The following DDAH1 variants were observed in gnomAD, a reference collection of about 807,000 sequenced individuals.
The protein encoded by DDAH1 is N(G),N(G)-dimethylarginine dimethylaminohydrolase 1.
A neutral mutation model predicts 28.8 loss-of-function variants in DDAH1; 19 were observed. The observed-to-expected ratio is 0.66, with a 90% confidence interval of 0.46 to 0.97. The LOEUF is 0.97. DDAH1 is among the 50% of genes least tolerant of loss of function. The probability of loss-of-function intolerance (pLI) is 0.00; values close to 1 mark genes in which losing one functional copy is unlikely to be tolerated. For missense variants in DDAH1, 326 were observed against 375.9 expected (o/e 0.87, Z 1.10); for synonymous variants, 153 against 154.4 (o/e 0.99, Z 0.07).
intron 4 of DDAH1, among the ~76,000 whole-genome samples, chr1:85,336,538 T>C (rs1648134550): frequency 6.6e-6 from 1 of 151,820 alleles, no homozygotes; most frequent in African/African-American, 2.4e-5. Context: ...AGAAAAAGCA[T>C]TGTTACAAGG....
At chr1:85,527,977 T>A (rs1313017821) in intron 1 of DDAH1, among the ~76,000 whole-genome samples, 1 of 152,166 alleles carries the variant, frequency 6.6e-6, no homozygotes, top group Non-Finnish European at 1.5e-5. Flanking sequence ...AATTTGTAAA[T>A]TTGTTAAAGC....
At position 85,525,567 on chromosome 1, in the gene DDAH1, T is replaced by TCACACACACACACACA. The variant is rs3058870; in HGVS notation, c.-122-29302_-122-29287dup. Among the ~76,000 whole-genome samples, 1,458 of 149,078 alleles carry TCACACACACACACACA rather than the reference T, an allele frequency of 9.8e-3. 21 individuals are homozygous for TCACACACACACACACA. Among genetic ancestry groups the TCACACACACACACACA allele is most frequent in the African/African-American group, 0.028 (1,133 of 40,262 alleles). ...TATTGTACAACTGAAAGAATGATAT[T>TCACACACACACACACA]CACACACACACACACACACACTCCA... On this transcript the variant is annotated intron_variant, in intron 1 of 6. Coordinates refer to the DDAH1 transcript ENST00000426972.
chr1:85,474,769 A>G (rs1226581741), intron 2 of DDAH1, among the ~76,000 whole-genome samples: 1 of 152,170 alleles, frequency 6.6e-6, no homozygotes, highest in Non-Finnish European at 1.5e-5. Context: ...TCATCAGCCC[A>G]CTTTCATAAG....
intron 2 of DDAH1, among the ~76,000 whole-genome samples, chr1:85,357,270 A>G (rs1649538061): frequency 6.6e-6 from 1 of 152,124 alleles, no homozygotes; most frequent in Non-Finnish European, 1.5e-5. Flanking sequence ...TGGGCATGCA[A>G]ACCAAACCCC....
chr1:85,396,852 T>C (rs897699402), intron 1 of DDAH1, among the ~76,000 whole-genome samples: 3 of 151,932 alleles, frequency 2.0e-5, no homozygotes, highest in Non-Finnish European at 2.9e-5. Flanking sequence ...CTGGGCAACA[T>C]GGTAAAACCC....
intron 4 of DDAH1, among the ~76,000 whole-genome samples, chr1:85,345,308 G>T (rs1648775500): frequency 6.7e-6 from 1 of 148,836 alleles, no homozygotes; most frequent in South Asian, 2.2e-4. Context: ...TCTAATGCCT[G>T]TGTGCTAATT....
chr1:85,471,043 A>T (rs568469964), intron 2 of DDAH1, among the ~76,000 whole-genome samples: 1 of 152,182 alleles, frequency 6.6e-6, no homozygotes, highest in Non-Finnish European at 1.5e-5. Context: ...ACTGATCTTC[A>T]TGGACTTCAT....
chr1:85,441,225 T>C (rs1654175094), intron 1 of DDAH1, among the ~76,000 whole-genome samples: 1 of 152,112 alleles, frequency 6.6e-6, no homozygotes, highest in Non-Finnish European at 1.5e-5. Flanking sequence ...AAAGATTACA[T>C]ACAGTATTGA....
intron 1 of DDAH1, among the ~76,000 whole-genome samples, chr1:85,421,712 T>C (rs1653148675): frequency 6.6e-6 from 1 of 152,222 alleles, no homozygotes; most frequent in Non-Finnish European, 1.5e-5. Flanking sequence ...CCTTTTTGGA[T>C]TGGCTGCTTT....
intron 4 of DDAH1, among the ~76,000 whole-genome samples, chr1:85,344,555 T>TCTCCCTTCCCTCCCTTCATCCTTCC (rs1300953273): frequency 6.9e-6 from 1 of 145,882 alleles, no homozygotes; most frequent in Non-Finnish European, 1.5e-5. Context: ...TCCCTCCCTC[T>TCTCCCTTCCCTCCCTTCATCCTTCC]CTCCCTTCCC....
chr1:85,441,832 T>A (rs1416532702), intron 1 of DDAH1, among the ~76,000 whole-genome samples: 1 of 152,168 alleles, frequency 6.6e-6, no homozygotes, highest in Non-Finnish European at 1.5e-5. Context: ...CTGTCTTATA[T>A]CACATCTAAA....
intron 1 of DDAH1, among the ~76,000 whole-genome samples, chr1:85,456,619 C>T (rs946933243): frequency 7.9e-5 from 12 of 152,204 alleles, no homozygotes; most frequent in African/African-American, 2.4e-4. Context: ...GGTAGTGTAG[C>T]GTGAGCTACA....
intron 1 of DDAH1, among the ~76,000 whole-genome samples, chr1:85,400,482 C>T (rs941759898): frequency 6.6e-6 from 1 of 151,910 alleles, no homozygotes; most frequent in Non-Finnish European, 1.5e-5. Flanking sequence ...GGGATTACGA[C>T]TTGAGCCACT....
At position 85,464,555 on chromosome 1, in the gene DDAH1, G is replaced by A; in HGVS notation, c.303+188C>T. 2 of 1,530,200 alleles carry A rather than the reference G, an allele frequency of 1.3e-6. No homozygotes were observed. The highest frequency in any genetic ancestry group is 2.5e-5 in the East Asian group (1 of 40,618). The allele number at this position is 1,530,200 out of a possible 1,614,324, so 94.8% of individuals were successfully genotyped here. The stretch of plus-strand genomic sequence containing the variant: ...CCTCCAGAAGGCTGCCGGCAGCCGG[G>A]AGGTGTGAACAATGAACTTCTCTCT... On this transcript the variant is annotated intron_variant, in intron 1 of 5. Coordinates refer to ENST00000284031, the MANE Select transcript of DDAH1 (RefSeq NM_012137.4). This position sits in a 1 kb window ranked among gnomAD's most constrained non-coding sequence, Gnocchi z 4.4.
chr1:85,338,937 C>T (rs915001397), intron 4 of DDAH1, among the ~76,000 whole-genome samples: 1 of 151,052 alleles, frequency 6.6e-6, no homozygotes, highest in African/African-American at 2.4e-5. Flanking sequence ...ATCCCAGCTA[C>T]TCAGGAGGCT....
At chr1:85,328,473 G>A (rs980744176) in intron 4 of DDAH1, among the ~76,000 whole-genome samples, 3 of 149,456 alleles carry the variant, frequency 2.0e-5, no homozygotes, top group Non-Finnish European at 4.5e-5. Flanking sequence ...TCTCACAAAC[G>A]TGCTTTTTTC....
chr1:85,395,891 C>CT (rs1020296399), intron 1 of DDAH1, among the ~76,000 whole-genome samples: 2 of 151,904 alleles, frequency 1.3e-5, no homozygotes, highest in African/African-American at 4.8e-5. Context: ...ATGTACTGAT[C>CT]TTTTCTTATT....
chr1:85,468,802 G>A (rs900440837), upstream of DDAH1, among the ~76,000 whole-genome samples: 1 of 152,162 alleles, frequency 6.6e-6, no homozygotes, highest in Admixed American at 6.5e-5. Flanking sequence ...ACAGGCGTGA[G>A]CAACCGCGCC....
intron 1 of DDAH1, among the ~76,000 whole-genome samples, chr1:85,506,341 A>G (rs10493768): frequency 0.55 from 83,004 of 152,120 alleles, 24,384 homozygotes; most frequent in Middle Eastern, 0.77. Flanking sequence ...TCACAGAATC[A>G]TACTCTGCAG....
Sources: gnomAD v4.1 joint callset for allele counts (sites outside exome capture counted in the v4.1 genomes callset) on GRCh38, gnomAD v4.1.1 for gene constraint, Gnocchi (gnomAD v3.1) non-coding constraint, MANE v1.5 for transcripts, NCBI Gene and HGNC (gene_info 2026-07-23, HGNC 2026-07-21) for gene names.